TMEM123: variants seen among roughly 807,000 people sequenced by gnomAD.
TMEM123 encodes porimin.
A neutral mutation model predicts 19.7 loss-of-function variants in TMEM123; 16 were observed. The ratio of observed to expected loss-of-function variants is 0.81; its 90% CI spans 0.55 to 1.23. The LOEUF is 1.23. Among genes scored for constraint, TMEM123 ranks in the 50% most tolerant of loss-of-function variants. The probability of loss-of-function intolerance (pLI) is 0.00; values close to 1 mark genes in which losing one functional copy is unlikely to be tolerated. For missense variants in TMEM123, 313 were observed against 257.8 expected (o/e 1.21, Z -1.47); for synonymous variants, 118 against 99.4 (o/e 1.19, Z -1.12).
rs118115443 is a variant in TMEM123, at chr11:102,443,537, A to T, written c.157+5275T>A. Among the ~76,000 whole-genome samples, 1,218 of 152,314 alleles carry T rather than the reference A, an allele frequency of 8.0e-3. 8 individuals carry two copies. Among genetic ancestry groups the T allele is most frequent in the Non-Finnish European group, 0.013 (886 of 68,014 alleles). On this transcript the variant is annotated intron_variant, in intron 2 of 4. Coordinates refer to ENST00000398136, the MANE Select transcript of TMEM123 (RefSeq NM_052932.3). Reference sequence around the variant, plus strand: ...GATCCCTTCCTTATACATTATACAAAATTTCATTCGAGATGGATTAAAGAC... The same window carrying T: ...GATCCCTTCCTTATACATTATACAATATTTCATTCGAGATGGATTAAAGAC...
intron 2 of TMEM123, among the ~76,000 whole-genome samples, chr11:102,426,482 G>A (rs962714199): frequency 3.0e-4 from 45 of 148,404 alleles, no homozygotes; most frequent in African/African-American, 7.2e-4. Context: ...ATGGTGTCTC[G>A]CTCTGTCTCC....
chr11:102,442,638 G>C (rs1436235304), intron 2 of TMEM123, among the ~76,000 whole-genome samples: 1 of 152,146 alleles, frequency 6.6e-6, no homozygotes, highest in Non-Finnish European at 1.5e-5. Flanking sequence ...ACTGGCACAA[G>C]ACAGGGATGC....
intron 2 of TMEM123, chr11:102,448,422 A>AT: frequency 2.8e-6 from 1 of 363,452 alleles, no homozygotes; most frequent in South Asian, 2.1e-5. Flanking sequence ...CAGCAGAGGT[A>AT]TATTAAGGCT....
chr11:102,418,635 A>G (rs1952060220), intron 2 of TMEM123, among the ~76,000 whole-genome samples: 1 of 152,258 alleles, frequency 6.6e-6, no homozygotes, highest in South Asian at 2.1e-4. Flanking sequence ...TAGAACTACC[A>G]TTTGACCTAG....
chr11:102,441,466 G>A (rs1474678299), intron 2 of TMEM123, among the ~76,000 whole-genome samples: 7 of 152,108 alleles, frequency 4.6e-5, no homozygotes, highest in African/African-American at 1.7e-4. Flanking sequence ...CAAAATGAAG[G>A]CAGAAATAAA....
At chr11:102,449,543 C>T in intron 1 of TMEM123, 1 of 49,734 alleles carries the variant, frequency 2.0e-5, no homozygotes, top group Admixed American at 3.0e-4. Context: ...GATGAACTCT[C>T]CCCCACTTAA....
At chr11:102,402,857 T>G (rs1951925131) in intron 2 of TMEM123, among the ~76,000 whole-genome samples, 1 of 152,234 alleles carries the variant, frequency 6.6e-6, no homozygotes, top group African/African-American at 2.4e-5. Context: ...GTTTTACAAG[T>G]CCAAAAGCCA....
intron 2 of TMEM123, among the ~76,000 whole-genome samples, chr11:102,408,693 A>G (rs1257166735): frequency 1.3e-5 from 2 of 152,184 alleles, no homozygotes; most frequent in African/African-American, 2.4e-5. Context: ...ACAATTCCCT[A>G]TGGGAGGCTG....
At chr11:102,448,708 T>A in intron 2 of TMEM123, 104 bp downstream of exon 2, 2 of 1,104,848 alleles carry the variant, frequency 1.8e-6, no homozygotes, top group South Asian at 2.6e-5. Context: ...GAACTCAGGG[T>A]TAAAACAGGT....
At chr11:102,440,885 G>T (rs901035926) in intron 2 of TMEM123, among the ~76,000 whole-genome samples, 2 of 152,068 alleles carry the variant, frequency 1.3e-5, no homozygotes, top group Non-Finnish European at 2.9e-5. Context: ...AAAAGCAGGG[G>T]TTGCAATCCT....
At chr11:102,422,161 C>T (rs1195907919) in intron 2 of TMEM123, among the ~76,000 whole-genome samples, 1 of 152,216 alleles carries the variant, frequency 6.6e-6, no homozygotes, top group African/African-American at 2.4e-5. Context: ...CACACTTCAT[C>T]ACTAATGTTG....
chr11:102,409,940 T>C (rs1951989586), intron 2 of TMEM123, among the ~76,000 whole-genome samples: 1 of 150,122 alleles, frequency 6.7e-6, no homozygotes, highest in African/African-American at 2.4e-5. Context: ...TTAAAAAAAG[T>C]CACATCATGA....
At chr11:102,407,752 T>A (rs1441168064) in intron 2 of TMEM123, among the ~76,000 whole-genome samples, 1 of 151,980 alleles carries the variant, frequency 6.6e-6, no homozygotes, top group Non-Finnish European at 1.5e-5. Context: ...AGGAGAGGCA[T>A]GGAACAGATT....
intron 2 of TMEM123, among the ~76,000 whole-genome samples, chr11:102,413,476 C>A (rs80319515): frequency 0.013 from 1,956 of 152,286 alleles, 19 homozygotes; most frequent in Non-Finnish European, 0.021. Context: ...TGCTGGCACC[C>A]CCACATTGGA....
At chr11:102,428,552 C>A (rs1952148546) in intron 2 of TMEM123, among the ~76,000 whole-genome samples, 1 of 151,832 alleles carries the variant, frequency 6.6e-6, no homozygotes, top group East Asian at 1.9e-4. Flanking sequence ...GGTGATCCAC[C>A]CAGCTTGGCC....
intron 2 of TMEM123, 96 bp from the exon 3 acceptor site, chr11:102,402,302 G>A (rs1951921093): frequency 4.6e-6 from 6 of 1,292,836 alleles, no homozygotes; most frequent in Non-Finnish European, 6.4e-6. Flanking sequence ...CAAAGCAAGA[G>A]ATCTTACAAA....
intron 2 of TMEM123, among the ~76,000 whole-genome samples, chr11:102,426,489 C>T (rs1361425978): frequency 6.7e-6 from 1 of 150,280 alleles, no homozygotes; most frequent in Non-Finnish European, 1.5e-5. Flanking sequence ...CTCGCTCTGT[C>T]TCCCAGCCTG....
chr11:102,448,481 A>C (rs1857906350), intron 2 of TMEM123: 2 of 340,058 alleles, frequency 5.9e-6, no homozygotes, highest in South Asian at 4.8e-5. Flanking sequence ...TAGGACCTGC[A>C]GACTTCTGTG....
intron 2 of TMEM123, among the ~76,000 whole-genome samples, chr11:102,418,879 G>A (rs1400568081): frequency 6.6e-6 from 1 of 152,162 alleles, no homozygotes. Flanking sequence ...GCAGCTGGAA[G>A]GCATTATCCT....
Sources: allele counts gnomAD v4.1 joint callset (sites outside exome capture counted in the v4.1 genomes callset), GRCh38; gene constraint gnomAD v4.1.1; transcripts MANE v1.5; gene names NCBI Gene and HGNC (gene_info 2026-07-23, HGNC 2026-07-21).